DST: variants seen among roughly 807,000 people sequenced by gnomAD.
DST encodes the protein dystonin.
DST carries 253 observed loss-of-function variants against 875.2 expected under a neutral mutation model. The ratio of observed to expected loss-of-function variants is 0.29; its 90% confidence interval spans 0.26 to 0.32. DST has a LOEUF of 0.32. DST is among the 10% of genes least tolerant of loss of function. The probability of loss-of-function intolerance (pLI) is 1.00; values close to 1 mark genes in which losing one functional copy is unlikely to be tolerated. For synonymous variants in DST, 3,124 were observed against 3,197.1 expected (o/e 0.98, Z 0.77); for missense variants, 8,287 against 9,111.6 (o/e 0.91, Z 3.68).
At chr6:56,893,248 A>G (rs1592157483) in intron 3 of DST, among the ~76,000 whole-genome samples, 1 of 152,186 alleles carries the variant, frequency 6.6e-6, no homozygotes, top group Non-Finnish European at 1.5e-5. Context: ...GTGAGAACAT[A>G]TGATGTTTGG....
chr6:56,590,613 G>C (rs13197897), intron 49 of DST, among the ~76,000 whole-genome samples: 2 of 151,596 alleles, frequency 1.3e-5, no homozygotes, highest in Admixed American at 6.6e-5. Flanking sequence ...GTGGAAAGGA[G>C]AAAGAAAAAA....
chr6:56,794,829 A>C (rs2099736884), intron 4 of DST, among the ~76,000 whole-genome samples: 1 of 152,156 alleles, frequency 6.6e-6, no homozygotes. Flanking sequence ...CCAAAAGTGG[A>C]GTTGAAAAGA....
intron 2 of DST, among the ~76,000 whole-genome samples, chr6:56,904,608 A>G (rs1795533621): frequency 6.6e-6 from 1 of 152,136 alleles, no homozygotes. Flanking sequence ...ATGATTACAA[A>G]CACTATAAAC....
At chr6:56,779,869 TC>T (rs2099688733) in intron 4 of DST, among the ~76,000 whole-genome samples, 1 of 92,646 alleles carries the variant, frequency 1.1e-5, no homozygotes, top group East Asian at 3.7e-4. Context: ...ATGCTATCCC[TC>T]CCCCCTCCCC....
chr6:56,604,393 C>T lies in DST; in HGVS notation c.10235G>A (p.Ser3412Asn), dbSNP rs1430715620. Residue 3412 changes from serine to asparagine, a missense_variant, in exon 40 of 104, where the codon AGT becomes AAT. By Grantham distance (46) the Ser-to-Asn change is conservative. Around this residue, in one of 10 missense-constraint regions of DST, gnomAD observed 3,138 missense variants for 3,116.6 expected, o/e 1.01. Transcript: ENST00000680361. The stretch of plus-strand genomic sequence containing the variant: ...CATGGGGGAAACTCCAGAAGAGTCA[C>T]TCATTTGAGAGTCGCTGGGCACAGT... ...ASTVPSDSQM[S>N]DSSGVSPMTN... The T allele has an allele frequency of 3.1e-6, 5 of 1,611,412 alleles. No homozygotes were observed. Among genetic ancestry groups the T allele is most frequent in the Non-Finnish European group, 2.5e-6 (3 of 1,178,628 alleles).
At position 56,607,961 on chromosome 6, in the gene DST, C is replaced by A. The variant is rs746717062; in HGVS notation, c.6667G>T (p.Asp2223Tyr). 9 of 1,613,610 alleles carry A rather than the reference C, an allele frequency of 5.6e-6. No homozygotes were observed. The highest frequency in any genetic ancestry group is 7.6e-6 in the Non-Finnish European group (9 of 1,179,714). Residue 2223 changes from aspartate to tyrosine, a missense_variant, in exon 40 of 104, where the codon GAT becomes TAT. Physicochemically the swap from Asp to Tyr is radical, Grantham distance 160 (BLOSUM62 -3). Coordinates refer to ENST00000680361, the MANE Select transcript of DST (RefSeq NM_001374736.1). The part of the protein sequence containing the change: ...ANTGQRLLLY[D>Y]GDLDEAVGML... ...CCAACAGCCTCATCCAAGTCTCCAT[C>A]GTACAGCAAAAGCCTTTGCCCTGTG...
At chr6:56,507,822 TGGCAGG>T (rs1440119801) in intron 75 of DST, among the ~76,000 whole-genome samples, 1 of 152,046 alleles carries the variant, frequency 6.6e-6, no homozygotes, top group Non-Finnish European at 1.5e-5. Flanking sequence ...TTGATCCAGA[TGGCAGG>T]GGATGCCTCT....
intron 87 of DST, among the ~76,000 whole-genome samples, chr6:56,486,888 AATG>A (rs1480740426): frequency 6.6e-6 from 1 of 152,192 alleles, no homozygotes. Context: ...AAGCTTGGAC[AATG>A]ATATCACTTT....
chr6:56,616,042 A>G lies in DST; in HGVS notation c.4930-1558T>C, dbSNP rs901347298. 6.2e-6 allele frequency: 10 copies of G among 1,614,228 alleles called. No homozygotes were observed. Among genetic ancestry groups the G allele is most frequent in the Non-Finnish European group, 8.5e-6 (10 of 1,180,034 alleles). ...CTTGGGCTTCAAGGCATCGGAGGGC[A>G]GTAATCCGATCAACCAAATTTCTAC... On this transcript the variant is annotated intron_variant, in intron 36 of 103. Coordinates refer to ENST00000680361, the MANE Select transcript of DST (RefSeq NM_001374736.1).
intron 4 of DST, among the ~76,000 whole-genome samples, chr6:56,807,478 T>TG (rs1344129582): frequency 5.3e-5 from 8 of 152,196 alleles, no homozygotes; most frequent in African/African-American, 1.9e-4. Flanking sequence ...GGGACTCACA[T>TG]TACCTGATTG....
At chr6:56,891,753 G>A (rs1048305056) in intron 3 of DST, among the ~76,000 whole-genome samples, 12 of 151,724 alleles carry the variant, frequency 7.9e-5, no homozygotes, top group Non-Finnish European at 5.9e-5. Flanking sequence ...AAAACTCCTC[G>A]GTGGAGCTTG....
chr6:56,780,353 G>A (rs2099690499), intron 4 of DST, among the ~76,000 whole-genome samples: 1 of 151,858 alleles, frequency 6.6e-6, no homozygotes, highest in Admixed American at 6.5e-5. Flanking sequence ...GAGTGTAAAA[G>A]TGTTCCTATT....
intron 4 of DST, among the ~76,000 whole-genome samples, chr6:56,848,939 C>T (rs994677135): frequency 1.4e-5 from 2 of 140,872 alleles, no homozygotes; most frequent in Non-Finnish European, 3.0e-5. Flanking sequence ...ACTTGGGAGG[C>T]TGAGGCAGGA....
rs1202332339 is a variant in DST, at chr6:56,631,211, T to C, written c.4142A>G (p.Lys1381Arg). 1 of 1,591,350 alleles carries C rather than the reference T, an allele frequency of 6.3e-7. No homozygotes were observed. Among genetic ancestry groups the C allele is most frequent in the South Asian group, 1.1e-5 (1 of 89,808 alleles). ...VYSMSSTYID[K>R]LKTVNLVLKN... The stretch of plus-strand genomic sequence containing the variant: ...ATATATTGAGATAGCAGTTACATAC[T>C]TATCTATGTAAGTGGAAGACATAGA... The change falls in exon 30 of 104, where the codon AAG becomes AGG. Residue 1381 changes from lysine to arginine, a missense_variant and splice_region_variant. Around this residue, in one of 10 missense-constraint regions of DST, gnomAD observed 3,138 missense variants for 3,116.6 expected, o/e 1.01. Coordinates refer to ENST00000680361, the MANE Select transcript of DST (RefSeq NM_001374736.1).
chr6:56,781,899 C>G (rs1203046827), intron 4 of DST, among the ~76,000 whole-genome samples: 1 of 152,174 alleles, frequency 6.6e-6, no homozygotes, highest in African/African-American at 2.4e-5. Context: ...TACATCCCAT[C>G]AATACCTAAT....
chr6:56,780,249 G>A (rs1435540599), intron 4 of DST, among the ~76,000 whole-genome samples: 1 of 151,942 alleles, frequency 6.6e-6, no homozygotes, highest in East Asian at 1.9e-4. Flanking sequence ...CCAGAAATGG[G>A]ATGGCTGGGT....
chr6:56,611,697 G>A (rs952333249), intron 37 of DST, 101 bp from the exon 38 acceptor site: 4 of 812,596 alleles, frequency 4.9e-6, no homozygotes, highest in Non-Finnish European at 7.7e-6. Context: ...CAAGACCCAA[G>A]TCTATTTTCT....
At chr6:56,736,946 G>A (rs749893797) in intron 4 of DST, among the ~76,000 whole-genome samples, 4 of 152,212 alleles carry the variant, frequency 2.6e-5, no homozygotes, top group South Asian at 4.1e-4. Context: ...GGCCAATGCA[G>A]GCAAATTGTT....
intron 3 of DST, among the ~76,000 whole-genome samples, chr6:56,888,323 C>T (rs1015790057): frequency 3.9e-5 from 6 of 152,138 alleles, no homozygotes; most frequent in African/African-American, 1.4e-4. Flanking sequence ...AGCAAAGACT[C>T]AGTACATTGA....
Sources: allele counts gnomAD v4.1 joint callset (sites outside exome capture counted in the v4.1 genomes callset), GRCh38; gene constraint gnomAD v4.1.1; regional missense constraint gnomAD v4.1.1; transcripts MANE v1.5; gene names NCBI Gene and HGNC (gene_info 2026-07-23, HGNC 2026-07-21).